Variants in SLC6A3 observed in about 807,000 individuals in gnomAD.
SLC6A3 encodes solute carrier family 6 member 3.
Under a neutral mutation model 70.4 loss-of-function variants are expected in SLC6A3, and 19 were observed. The ratio of observed to expected loss-of-function variants is 0.27; its 90% CI spans 0.19 to 0.40. The LOEUF (loss-of-function observed/expected upper bound fraction) is 0.40. SLC6A3 is among the 10% of genes least tolerant of loss of function. The probability of loss-of-function intolerance (pLI) is 1.00; values close to 1 mark genes in which losing one functional copy is unlikely to be tolerated. For missense variants in SLC6A3, 613 were observed against 838.5 expected (o/e 0.73, Z 3.32); for synonymous variants, 368 against 356.6 (o/e 1.03, Z -0.36).
At position 1,403,015 on chromosome 5, in the gene SLC6A3, G is replaced by A. The variant is rs138872678; in HGVS notation, c.1674C>T (p.Asn558=). 17 of 1,613,930 alleles carry A rather than the reference G, an allele frequency of 1.1e-5. No individual in the cohort carries two copies. The highest frequency in any genetic ancestry group is 8.9e-5 in the East Asian group (4 of 44,902). ...ATGTGGCGATGACCCAGCCCAGCGC[G>A]TTGGCCCAGTCGGGGAAGATGTAGG... ...YGAYIFPDWA[N]ALGWVIATSS... Residue 558 remains asparagine (N), a synonymous_variant, in exon 13 of 15, where the codon AAC becomes AAT. Transcript: ENST00000270349.
intron 6 of SLC6A3, 46 bp from the exon 7 acceptor site, chr5:1,416,247 G>T (rs766236473): frequency 1.4e-6 from 2 of 1,462,750 alleles, no homozygotes; most frequent in Admixed American, 3.4e-5. Flanking sequence ...GAGAACGCAG[G>T]CCACAGGCAA....
chr5:1,431,229 G>C (rs905283172), intron 4 of SLC6A3, among the ~76,000 whole-genome samples: 1 of 152,260 alleles, frequency 6.6e-6, no homozygotes, highest in Admixed American at 6.5e-5. Flanking sequence ...GGGAACCCCT[G>C]GGTGTCAGTA....
chr5:1,430,926 A>C (rs868608314), intron 4 of SLC6A3, among the ~76,000 whole-genome samples: 1 of 152,372 alleles, frequency 6.6e-6, no homozygotes, highest in Middle Eastern at 3.4e-3. Flanking sequence ...TTACTGGTCA[A>C]AGTTCCTTTT....
At position 1,438,395 on chromosome 5, in the gene SLC6A3, G is replaced by A. The variant is rs374347768; in HGVS notation, c.418+2964C>T. Among the ~76,000 whole-genome samples, 4 of 152,346 alleles carry A rather than the reference G, an allele frequency of 2.6e-5. No individual in the cohort carries two copies. The highest frequency in any genetic ancestry group is 7.2e-5 in the African/African-American group (3 of 41,586). On this transcript the variant is annotated intron_variant, in intron 3 of 14. Coordinates refer to ENST00000270349, the MANE Select transcript of SLC6A3 (RefSeq NM_001044.5). This position sits in a 1 kb window ranked among gnomAD's most constrained non-coding sequence, Gnocchi z 6.5. ...AGGAGACGACTGCCCAGCTTACCCC[G>A]GCTGCGCATTGTGGAGAACACGATG...
At position 1,405,611 on chromosome 5, in the gene SLC6A3, T is replaced by A. The variant is rs1416383020; in HGVS notation, c.1599+577A>T. On this transcript the variant is annotated intron_variant, in intron 12 of 14. Transcript: ENST00000270349. This position sits in a 1 kb window ranked among gnomAD's most constrained non-coding sequence, Gnocchi z 5.3. ...GGGAAGCACTGCAGGCAATCCCTAA[T>A]GAAAGTGTGCGGCCACCTTCCAACA... 3.3e-5 allele frequency among the ~76,000 whole-genome samples: 5 copies of A among 152,196 alleles called. No homozygotes were observed. The highest frequency in any genetic ancestry group is 1.2e-4 in the African/African-American group (5 of 41,442).
intron 3 of SLC6A3, among the ~76,000 whole-genome samples, chr5:1,439,901 G>C (rs914859664): frequency 1.3e-5 from 2 of 152,210 alleles, no homozygotes; most frequent in African/African-American, 4.8e-5. Context: ...GGGACACCAG[G>C]GGGAACGACC....
intron 7 of SLC6A3, among the ~76,000 whole-genome samples, chr5:1,415,244 G>C (rs1230019075): frequency 6.6e-6 from 1 of 152,170 alleles, no homozygotes; most frequent in African/African-American, 2.4e-5. Context: ...GCGGGCCTGG[G>C]GGCCCCACTC....
intron 9 of SLC6A3, among the ~76,000 whole-genome samples, chr5:1,410,700 A>C (rs1756095500): frequency 6.6e-6 from 1 of 152,016 alleles, no homozygotes; most frequent in African/African-American, 2.4e-5. Context: ...AAGCCACGAG[A>C]TATGAAGGAC....
intron 3 of SLC6A3, among the ~76,000 whole-genome samples, chr5:1,439,070 T>C (rs1490749114): frequency 6.6e-6 from 1 of 152,110 alleles, no homozygotes; most frequent in African/African-American, 2.4e-5. Flanking sequence ...TCTTGAACTG[T>C]TAGCCTGGGT....
intron 1 of SLC6A3, 150 bp from the exon 2 acceptor site, chr5:1,443,392 G>A (rs952375159): frequency 7.5e-5 from 51 of 683,836 alleles, no homozygotes; most frequent in Non-Finnish European, 7.3e-5. Context: ...CGCCTGAGAT[G>A]GTACAGCTGG....
chr5:1,421,640 G>A lies in SLC6A3; in HGVS notation c.792+236C>T, dbSNP rs1316058184. Among the ~76,000 whole-genome samples the A allele has an allele frequency of 2.7e-5, 4 of 148,940 alleles. No homozygotes were observed. The highest frequency in any genetic ancestry group is 7.5e-5 in the African/African-American group (3 of 40,068). ...GCCGCGCGTCTACCCAAGCCAACCC[G>A]GCACAGCCACAGGTGTACCCTCAAT... On this transcript the variant is annotated intron_variant, in intron 5 of 14. Coordinates refer to ENST00000270349, the MANE Select transcript of SLC6A3 (RefSeq NM_001044.5). The surrounding 1 kb of genome is among the most constrained non-coding windows in gnomAD (Gnocchi z 7.2).
intron 6 of SLC6A3, among the ~76,000 whole-genome samples, chr5:1,417,146 G>A (rs1464711550): frequency 6.6e-6 from 1 of 151,642 alleles, no homozygotes; most frequent in African/African-American, 2.4e-5. Context: ...GAAACCCTCA[G>A]AACAGCACAG....
Position 1,442,907 on chromosome 5 carries a change from C to T in SLC6A3, c.286+5G>A. 6.2e-7 allele frequency: 1 copy of T among 1,614,184 alleles called. No individual in the cohort carries two copies. The highest frequency in any genetic ancestry group is 8.5e-7 in the Non-Finnish European group (1 of 1,180,016). On this transcript the variant is annotated splice_donor_5th_base_variant and intron_variant, in intron 2 of 14. Coordinates refer to ENST00000270349, the MANE Select transcript of SLC6A3 (RefSeq NM_001044.5). This position sits in a 1 kb window ranked among gnomAD's most constrained non-coding sequence, Gnocchi z 5.0. ...CATGCTCAGGGAGGCTGAGATGGGA[C>T]TTACCGCCACCATTTTTGTAGCACA...
intron 1 of SLC6A3, 104 bp from the exon 2 acceptor site, chr5:1,443,346 G>C: frequency 1.1e-6 from 1 of 902,818 alleles, no homozygotes; most frequent in South Asian, 1.4e-5. Context: ...AGGCATTCAC[G>C]GGCATTCCTC....
At chr5:1,407,247 C>T (rs577128715) in intron 11 of SLC6A3, among the ~76,000 whole-genome samples, 3 of 152,282 alleles carry the variant, frequency 2.0e-5, no homozygotes, top group Admixed American at 6.5e-5. Context: ...GCAAGTCTTG[C>T]GGTTGTCCCG....
In SLC6A3 at chr5:1,424,246, C is replaced by T. The variant is rs534312439; in HGVS notation, c.654-2232G>A. Among the ~76,000 whole-genome samples, 39 of 152,372 alleles carry T rather than the reference C, an allele frequency of 2.6e-4. No homozygotes were observed. The East Asian group carries it at 2.7e-3, about 11-fold the overall frequency. On this transcript the variant is annotated intron_variant, in intron 4 of 14. Transcript: ENST00000270349. ...CTCAGTCAAGAGGCTATCCGTCACCCGCACTGTGCAGGGAAAGTTGTCTGA... is the reference window on the plus strand; with the variant it reads ...CTCAGTCAAGAGGCTATCCGTCACCTGCACTGTGCAGGGAAAGTTGTCTGA...
In SLC6A3 at chr5:1,437,341, G is replaced by A. The variant is rs1299862331; in HGVS notation, c.418+4018C>T. 6.6e-6 allele frequency among the ~76,000 whole-genome samples: 1 copy of A among 151,920 alleles called. No homozygotes were observed. Among genetic ancestry groups the A allele is most frequent in the Non-Finnish European group, 1.5e-5 (1 of 67,990 alleles). On this transcript the variant is annotated intron_variant, in intron 3 of 14. Coordinates refer to ENST00000270349, the MANE Select transcript of SLC6A3 (RefSeq NM_001044.5). The surrounding 1 kb of genome is among the most constrained non-coding windows in gnomAD (Gnocchi z 4.8). ...TGGGTGTCTTTAGTATGTGCTTGCT[G>A]TGTGTGCATGTACCCGAGAGACAGA...
chr5:1,405,161 G>A lies in SLC6A3; in HGVS notation c.1599+1027C>T, dbSNP rs1369078101. The stretch of plus-strand genomic sequence containing the variant: ...TTAACTGGACTTGGAACACTTACGT[G>A]CAGCCACACCACGCGGCCTGGAGCT... On this transcript the variant is annotated intron_variant, in intron 12 of 14. Transcript: ENST00000270349. The surrounding 1 kb of genome is among the most constrained non-coding windows in gnomAD (Gnocchi z 5.3). Among the ~76,000 whole-genome samples the A allele has an allele frequency of 6.6e-6, 1 of 152,232 alleles. No homozygotes were observed. Among genetic ancestry groups the A allele is most frequent in the Non-Finnish European group, 1.5e-5 (1 of 68,038 alleles).
intron 6 of SLC6A3, among the ~76,000 whole-genome samples, chr5:1,417,036 A>G (rs1313466246): frequency 6.8e-6 from 1 of 147,484 alleles, no homozygotes; most frequent in Non-Finnish European, 1.5e-5. Context: ...CACCAGCCCT[A>G]GCGGGGTCTC....
Sources: gnomAD v4.1 joint callset for allele counts (sites outside exome capture counted in the v4.1 genomes callset) on GRCh38, gnomAD v4.1.1 for gene constraint, Gnocchi (gnomAD v3.1) non-coding constraint, MANE v1.5 for transcripts, NCBI Gene and HGNC (gene_info 2026-07-23, HGNC 2026-07-21) for gene names.